Variants in TMEM72 observed in about 807,000 individuals in gnomAD.
The protein encoded by TMEM72 is transmembrane protein 72.
In TMEM72, 9 loss-of-function variants were observed where a neutral mutation model predicts 16.3. The observed-to-expected ratio is 0.55, with a 90% CI of 0.33 to 0.96. The LOEUF is 0.96. Ranked by LOEUF, TMEM72 falls within the 40% of genes least tolerant of loss-of-function variation. The pLI, the probability that TMEM72 is intolerant of heterozygous loss-of-function variation, is 0.03. For missense variants in TMEM72, 324 were observed against 337.8 expected, an observed-to-expected ratio of 0.96 and a Z score of 0.32; for synonymous variants, 160 against 146.5, an observed-to-expected ratio of 1.09 and a Z score of -0.66.
In TMEM72 at chr10:44,933,747, C is replaced by T. The variant is rs369873974; in HGVS notation, c.320C>T (p.Pro107Leu). Residue 107 changes from proline to leucine, a missense_variant, in exon 4 of 5, where the codon CCG (proline) becomes CTG (leucine). By Grantham distance (98) the Pro-to-Leu change is moderately conservative. Transcript: ENST00000389583. ...LLLSVACFLH[P>L]VLVWHVTIPG... ...CTGTCGGTGGCCTGCTTCCTCCACC[C>T]GGTCCTGGTCTGGCACGTGACCATC... 9.9e-6 allele frequency: 16 copies of T among 1,614,066 alleles called. No homozygotes were observed. The highest frequency in any genetic ancestry group is 1.2e-5 in the Non-Finnish European group (14 of 1,179,960).
Position 44,911,453 on chromosome 10 carries a change from T to C in TMEM72, c.-60T>C, listed in dbSNP as rs1002072434. 23 of 1,528,316 alleles carry C rather than the reference T, an allele frequency of 1.5e-5. No homozygotes were observed. In the Admixed American group the frequency reaches 3.7e-4, roughly 25 times the overall value. 94.7% of individuals were successfully genotyped at this position (1,528,316 alleles called of 1,614,324 possible). On this transcript the variant is annotated 5_prime_UTR_variant, in exon 1 of 5. Transcript: ENST00000389583. The stretch of plus-strand genomic sequence containing the variant: ...ACCTACACAAGGGTGTTCGGGAGCA[T>C]CTCAGGGCCGAAGACTTTGCTGCCT...
At chr10:44,927,299 G>C (rs1232507607) in intron 1 of TMEM72, among the ~76,000 whole-genome samples, 2 of 152,180 alleles carry the variant, frequency 1.3e-5, no homozygotes, top group African/African-American at 4.8e-5. Context: ...TGGAAAGGCA[G>C]GTCCGAGATG....
Position 44,911,496 on chromosome 10 carries a change from T to C in TMEM72, c.-17T>C. On this transcript the variant is annotated 5_prime_UTR_variant, in exon 1 of 5. Transcript: ENST00000389583. ...TGCTGCCTGCCCTGCCAGGACTTTG[T>C]CCTCACCCCTGGCACCATGCAGCTC... 6.5e-7 allele frequency: 1 copy of C among 1,550,182 alleles called. No homozygotes were observed. The highest frequency in any genetic ancestry group is 8.7e-7 in the Non-Finnish European group (1 of 1,146,836).
rs968338245 is a variant in TMEM72 at position 44,929,424 on chromosome 10, G to T, written c.137+1437G>T. ...TGCCAGGCTGCCCCACAAATGTCCT[G>T]TTCTGCCTACAGGGTCCACCAGGCT... is the stretch of plus-strand genomic sequence containing the variant. On this transcript the variant is annotated intron_variant, in intron 2 of 4. Transcript: ENST00000389583. Among the ~76,000 whole-genome samples the T allele has an allele frequency of 6.6e-4, 101 of 152,140 alleles. 2 individuals are homozygous for T. Among genetic ancestry groups the T allele is most frequent in the Non-Finnish European group, 2.9e-4 (20 of 68,032 alleles).
At chr10:44,915,969 G>A (rs1208731183) in intron 1 of TMEM72, among the ~76,000 whole-genome samples, 1 of 152,146 alleles carries the variant, frequency 6.6e-6, no homozygotes, top group African/African-American at 2.4e-5. Context: ...ATGCATTATG[G>A]TCATTGTCTC....
intron 3 of TMEM72, among the ~76,000 whole-genome samples, 195 bp from the exon 4 acceptor site, chr10:44,933,442 T>G (rs7095998): frequency 0.053 from 8,114 of 152,302 alleles, 711 homozygotes; most frequent in African/African-American, 0.18. Context: ...TTTCAAAAAC[T>G]TGTGGACCCT....
At chr10:44,922,802 T>A (rs1840122841) in intron 1 of TMEM72, among the ~76,000 whole-genome samples, 1 of 152,096 alleles carries the variant, frequency 6.6e-6, no homozygotes, top group Non-Finnish European at 1.5e-5. Flanking sequence ...GGAGCCTGAA[T>A]CTCCAAGGCT....
Position 44,918,466 on chromosome 10 carries a change from C to T in TMEM72, c.70+6884C>T, listed in dbSNP as rs76560447. 6.1e-3 allele frequency among the ~76,000 whole-genome samples: 934 copies of T among 152,260 alleles called. 11 individuals are homozygous for T. Among genetic ancestry groups the T allele is most frequent in the African/African-American group, 0.022 (894 of 41,512 alleles). On this transcript the variant is annotated intron_variant, in intron 1 of 4. Coordinates refer to ENST00000389583, the MANE Select transcript of TMEM72 (RefSeq NM_001123376.3). ...TCCAGAAATTTGAAAGGAGGCAATA[C>T]TTCTCAACTCATTCTATAAAATTAG... is the stretch of plus-strand genomic sequence containing the variant.
intron 3 of TMEM72, 132 bp from the exon 4 acceptor site, chr10:44,933,505 T>C: frequency 2.4e-6 from 3 of 1,263,094 alleles, no homozygotes; most frequent in Admixed American, 2.5e-5. Flanking sequence ...CAAGGACCGC[T>C]AGGGCTTTCT....
chr10:44,915,656 T>A (rs1381671415), intron 1 of TMEM72, among the ~76,000 whole-genome samples: 1 of 152,128 alleles, frequency 6.6e-6, no homozygotes, highest in Non-Finnish European at 1.5e-5. Flanking sequence ...TCTACCCTCA[T>A]GCTCCTGCCC....
At chr10:44,929,894 G>C (rs2132726587) in intron 2 of TMEM72, among the ~76,000 whole-genome samples, 1 of 152,372 alleles carries the variant, frequency 6.6e-6, no homozygotes, top group South Asian at 2.1e-4. Context: ...CCTGAGCCTG[G>C]AGCCCCTGCT....
chr10:44,921,925 T>C lies in TMEM72; in HGVS notation c.71-5996T>C, dbSNP rs557142801. 2.0e-5 allele frequency among the ~76,000 whole-genome samples: 3 copies of C among 152,340 alleles called. No individual in the cohort carries two copies. The East Asian group carries it at 5.8e-4, about 29-fold the overall frequency. On this transcript the variant is annotated intron_variant, in intron 1 of 4. Transcript: ENST00000389583. The stretch of plus-strand genomic sequence containing the variant: ...CATTAAATTACAATGAGGGCCCCCT[T>C]AATTTTAAGAGGAGCACCTCCTTCA...
intron 1 of TMEM72, among the ~76,000 whole-genome samples, chr10:44,916,166 G>A (rs1564432617): frequency 6.6e-6 from 1 of 152,182 alleles, no homozygotes; most frequent in Non-Finnish European, 1.5e-5. Context: ...CCAAAGCAAA[G>A]GGCATGGCAG....
At chr10:44,912,447 A>T (rs1259198337) in intron 1 of TMEM72, among the ~76,000 whole-genome samples, 1 of 152,204 alleles carries the variant, frequency 6.6e-6, no homozygotes, top group Non-Finnish European at 1.5e-5. Flanking sequence ...ACAAAGAGAG[A>T]CACACCCCCT....
In TMEM72 at chr10:44,921,856, C is replaced by A. The variant is rs779663908; in HGVS notation, c.71-6065C>A. Among the ~76,000 whole-genome samples the A allele has an allele frequency of 2.0e-5, 3 of 152,250 alleles. No individual in the cohort carries two copies. The East Asian group carries it at 5.8e-4, about 29-fold the overall frequency. On this transcript the variant is annotated intron_variant, in intron 1 of 4. Transcript: ENST00000389583. ...CAGGGCCCACGAAGGGCCTACACTG[C>A]GCCTGAGGGAGGGAGTACCACCTTG...
At chr10:44,912,194 G>C (rs1839947001) in intron 1 of TMEM72, among the ~76,000 whole-genome samples, 1 of 152,174 alleles carries the variant, frequency 6.6e-6, no homozygotes, top group Non-Finnish European at 1.5e-5. Context: ...TAGCAGCAGA[G>C]ATGCTTCCCA....
rs564061059 is a variant in TMEM72, at chr10:44,936,366, C to G, written c.*1232C>G. The stretch of plus-strand genomic sequence containing the variant: ...TAGAACAAGCCTTAGAGTGCATGCT[C>G]TATGGTCTAATGAGAAACTTGTGTT... On this transcript the variant is annotated 3_prime_UTR_variant, in exon 5 of 5. Transcript: ENST00000389583. The G allele has an allele frequency of 6.6e-6, 1 of 152,288 alleles. No individual in the cohort carries two copies. The highest frequency in any genetic ancestry group is 1.9e-4 in the East Asian group (1 of 5,180). 9.4% of individuals were successfully genotyped at this position (152,288 alleles called of 1,614,324 possible). A position where few individuals can be genotyped will look rare whatever the true frequency, so the allele number is the denominator to read the frequency against.
At chr10:44,928,782 T>C (rs1840243622) in intron 2 of TMEM72, among the ~76,000 whole-genome samples, 1 of 125,966 alleles carries the variant, frequency 7.9e-6, no homozygotes, top group African/African-American at 3.1e-5. Context: ...ATCTATTCAT[T>C]TACCCATCCA....
At chr10:44,916,971 C>T (rs1371502880) in intron 1 of TMEM72, among the ~76,000 whole-genome samples, 3 of 152,148 alleles carry the variant, frequency 2.0e-5, no homozygotes, top group Admixed American at 1.3e-4. Context: ...GATTAAAAAG[C>T]ATGTCCCATA....
Sources: allele counts gnomAD v4.1 joint callset (sites outside exome capture counted in the v4.1 genomes callset), GRCh38; gene constraint gnomAD v4.1.1; transcripts MANE v1.5; gene names NCBI Gene and HGNC (gene_info 2026-07-23, HGNC 2026-07-21).